Variants in ATP2B4 observed in about 807,000 individuals in gnomAD.
The protein encoded by ATP2B4 is ATPase plasma membrane Ca2+ transporting 4, also known as plasma membrane calcium-transporting ATPase 4.
A neutral mutation model predicts 110.3 loss-of-function variants in ATP2B4; 39 were observed. That is an observed-to-expected ratio of 0.35 (90% CI 0.27 to 0.46). The LOEUF (loss-of-function observed/expected upper bound fraction) is 0.46, where lower values mean the gene tolerates loss of function less well. ATP2B4 is among the 20% of genes least tolerant of loss of function. ATP2B4 has a pLI of 1.00. For synonymous variants in ATP2B4, 538 were observed against 571.7 expected (o/e 0.94, Z 0.84); for missense variants, 1,135 against 1,530.9 (o/e 0.74, Z 4.32).
At chr1:203,733,287 T>G (rs762746975) in intron 20 of ATP2B4, 1 of 1,614,126 alleles carries the variant, frequency 6.2e-7, no homozygotes, top group East Asian at 2.2e-5. Context: ...CGACAGAACA[T>G]GGGTCAACAC....
intron 1 of ATP2B4, chr1:203,657,247 AT>A: frequency 1.4e-6 from 1 of 714,434 alleles, no homozygotes. Context: ...AGTCTTTCTT[AT>A]TTAGGTGGTT....
At chr1:203,628,043 G>GA (rs1663141582) in intron 1 of ATP2B4, among the ~76,000 whole-genome samples, 1 of 152,308 alleles carries the variant, frequency 6.6e-6, no homozygotes, top group Non-Finnish European at 1.5e-5. Context: ...AGGGTGAATT[G>GA]AAAAGTTTCC....
intron 2 of ATP2B4, among the ~76,000 whole-genome samples, chr1:203,695,270 C>A (rs945836914): frequency 6.6e-6 from 1 of 152,236 alleles, no homozygotes; most frequent in African/African-American, 2.4e-5. Flanking sequence ...CTTGGCACAG[C>A]CTTGCCATCT....
chr1:203,673,796 T>C (rs56413978), intron 1 of ATP2B4, among the ~76,000 whole-genome samples: 8,149 of 152,186 alleles, frequency 0.054, 681 homozygotes, highest in African/African-American at 0.18. Flanking sequence ...GCCTCCTCAG[T>C]CTGTGGCCAG....
chr1:203,678,728 T>C (rs1023738063), intron 1 of ATP2B4, among the ~76,000 whole-genome samples: 1 of 152,118 alleles, frequency 6.6e-6, no homozygotes, highest in Non-Finnish European at 1.5e-5. Context: ...AAAGGGCCTC[T>C]TAGAAGCTTG....
At chr1:203,678,024 ACCAGAGCCTCTTATTATT>A (rs1005255332) in intron 1 of ATP2B4, among the ~76,000 whole-genome samples, 3 of 152,186 alleles carry the variant, frequency 2.0e-5, no homozygotes, top group African/African-American at 7.2e-5. Context: ...GCCAGAGTTG[ACCAGAGCCTCTTATTATT>A]CCAGGCAGGT....
chr1:203,693,195 G>A (rs928808014), intron 2 of ATP2B4, among the ~76,000 whole-genome samples: 2 of 152,168 alleles, frequency 1.3e-5, no homozygotes, highest in Admixed American at 6.5e-5. Flanking sequence ...GTATTTGTGT[G>A]AAATTACAGC....
chr1:203,731,132 C>T (rs960661893), intron 20 of ATP2B4, among the ~76,000 whole-genome samples: 9 of 152,110 alleles, frequency 5.9e-5, no homozygotes, highest in Admixed American at 1.3e-4. Context: ...GCTGGAACCC[C>T]CGCACCCACC....
rs760115247 is a variant in ATP2B4, at chr1:203,707,102, G to A, written c.1193G>A (p.Cys398Tyr). 1.5e-5 allele frequency: 25 copies of A among 1,614,138 alleles called. No homozygotes were observed. The highest frequency in any genetic ancestry group is 2.0e-5 in the Non-Finnish European group (24 of 1,180,026). The change falls in exon 9 of 21, where the codon TGT becomes TAT. Residue 398 changes from cysteine to tyrosine, a missense_variant. Transcript: ENST00000357681. ...VINRRPWLPECTPIYIQYFVK... is the reference protein window; with the variant it reads ...VINRRPWLPEYTPIYIQYFVK... ...AATCGCAGACCATGGCTCCCTGAGTGTACTCCCATCTACATCCAGTACTTT... is the reference window on the plus strand; with the variant it reads ...AATCGCAGACCATGGCTCCCTGAGTATACTCCCATCTACATCCAGTACTTT...
chr1:203,684,098 A>G (rs1417908705), intron 2 of ATP2B4, among the ~76,000 whole-genome samples: 2 of 152,194 alleles, frequency 1.3e-5, no homozygotes, highest in African/African-American at 4.8e-5. Context: ...ATGTCTGATT[A>G]TAAAATAATT....
intron 1 of ATP2B4, among the ~76,000 whole-genome samples, chr1:203,654,888 A>G (rs956160758): frequency 5.7e-5 from 3 of 52,276 alleles, no homozygotes; most frequent in Non-Finnish European, 1.1e-4. Context: ...CCTCGTCTGG[A>G]AAAAAAAAAA....
chr1:203,690,778 G>T (rs1213553299), intron 2 of ATP2B4, among the ~76,000 whole-genome samples: 4 of 152,200 alleles, frequency 2.6e-5, no homozygotes, highest in African/African-American at 9.6e-5. Flanking sequence ...TGGCCTCAGA[G>T]ATTAACATTC....
At chr1:203,728,820 G>T (rs1476824939) in intron 20 of ATP2B4, among the ~76,000 whole-genome samples, 2 of 150,080 alleles carry the variant, frequency 1.3e-5, no homozygotes, top group African/African-American at 4.9e-5. Context: ...TTGCGCCATT[G>T]CACTCCAGCC....
intron 1 of ATP2B4, among the ~76,000 whole-genome samples, chr1:203,663,122 GT>G (rs1664398169): frequency 2.0e-5 from 3 of 152,120 alleles, no homozygotes; most frequent in Non-Finnish European, 4.4e-5. Context: ...TTTTGGGTTT[GT>G]GTTTGCTTTT....
rs1201990511 is a variant in ATP2B4, at chr1:203,743,400, G to A, written c.*3546G>A. On this transcript the variant is annotated 3_prime_UTR_variant, in exon 21 of 21. Coordinates refer to ENST00000357681, the MANE Select transcript of ATP2B4 (RefSeq NM_001684.5). ...TTAAGCCATTCCAGCCTCTTCCTCT[G>A]AATAGACCAGACGCCCTTTCACTTA... 1.3e-5 allele frequency: 2 copies of A among 152,632 alleles called. No homozygotes were observed. Among genetic ancestry groups the A allele is most frequent in the Non-Finnish European group, 2.9e-5 (2 of 68,068 alleles). 9.5% of individuals were successfully genotyped at this position (152,632 alleles called of 1,614,324 possible).
intron 2 of ATP2B4, among the ~76,000 whole-genome samples, chr1:203,685,234 G>A (rs1665146280): frequency 6.6e-6 from 1 of 152,220 alleles, no homozygotes; most frequent in Admixed American, 6.5e-5. Context: ...GTTGCCCAGT[G>A]TGCCATGGTA....
At chr1:203,657,232 T>C in intron 1 of ATP2B4, 2 of 725,328 alleles carry the variant, frequency 2.8e-6, no homozygotes, top group Non-Finnish European at 5.0e-6. Flanking sequence ...CATATTGGCC[T>C]GATCAGTCTT....
At chr1:203,719,299 T>G (rs1001435963) in intron 15 of ATP2B4, among the ~76,000 whole-genome samples, 1 of 149,256 alleles carries the variant, frequency 6.7e-6, no homozygotes, top group African/African-American at 2.5e-5. Context: ...ACAAGGTATA[T>G]TCATACAAAT....
chr1:203,704,262 A>G (rs1319861018), intron 8 of ATP2B4, among the ~76,000 whole-genome samples: 1 of 152,118 alleles, frequency 6.6e-6, no homozygotes, highest in African/African-American at 2.4e-5. Context: ...GGACTGGAGG[A>G]AGAAGGAAGG....
Sources: allele counts gnomAD v4.1 joint callset (sites outside exome capture counted in the v4.1 genomes callset), GRCh38; gene constraint gnomAD v4.1.1; transcripts MANE v1.5; gene names NCBI Gene and HGNC (gene_info 2026-07-23, HGNC 2026-07-21).